ARL10: variants seen among roughly 807,000 people sequenced by gnomAD.
ARL10 encodes the protein ADP-ribosylation factor-like protein 10.
ARL10 carries 23 observed loss-of-function variants against 26.1 expected under a neutral mutation model. That is an observed-to-expected ratio of 0.88 (90% CI 0.63 to 1.25). The LOEUF (loss-of-function observed/expected upper bound fraction) is 1.25. Among genes scored for constraint, ARL10 ranks in the 50% most tolerant of loss-of-function variants. ARL10 has a pLI of 0.00. For synonymous variants in ARL10, 138 were observed against 149.1 expected, an observed-to-expected ratio of 0.93 and a Z score of 0.54; for missense variants, 300 against 323.6, an observed-to-expected ratio of 0.93 and a Z score of 0.56.
At chr5:176,392,756 C>T (rs1215111316), downstream of ARL10, 2 of 1,613,152 alleles carry the variant, frequency 1.2e-6, no homozygotes. This position sits in a 1 kb window ranked among gnomAD's most constrained non-coding sequence, Gnocchi z 5.2. Flanking sequence ...GCTCTGTGGC[C>T]ATGCACCTAG....
downstream of ARL10, among the ~76,000 whole-genome samples, chr5:176,391,565 T>G (rs1166161947): frequency 1.3e-5 from 2 of 152,080 alleles, no homozygotes; most frequent in East Asian, 1.9e-4. Context: ...TGAGCTGAGA[T>G]TGCACCACTG....
Position 176,397,702 on chromosome 5 carries a change from G to A in ARL10, c.134-4039G>A, listed in dbSNP as rs924761628. The A allele has an allele frequency of 2.5e-6, 4 of 1,613,812 alleles. No homozygotes were observed. The African/African-American group carries it at 4.0e-5, about 16-fold the overall frequency. ...CCTTCTCCCGCCATTCCTGTTCCGTGACCTTAGATGCAGCATCTAGGACCC... is the reference window on the plus strand; with the variant it reads ...CCTTCTCCCGCCATTCCTGTTCCGTAACCTTAGATGCAGCATCTAGGACCC... On this transcript the variant is annotated intron_variant, in intron 1 of 1. Coordinates refer to the ARL10 transcript ENST00000514533.
chr5:176,413,053 C>T, the ARL10 span, among the ~76,000 whole-genome samples: 1 of 152,186 alleles, frequency 6.6e-6, no homozygotes, highest in Non-Finnish European at 1.5e-5. Flanking sequence ...GCCTCAGCCT[C>T]GAGAGTGTTC....
chr5:176,397,558 GC>G (rs775818584), intron 1 of ARL10: 3 of 273,112 alleles, frequency 1.1e-5, no homozygotes, highest in Non-Finnish European at 1.8e-5. Flanking sequence ...TGTCCCCACA[GC>G]CCCCCTCATG....
rs1755517717 is a variant in ARL10, at chr5:176,380,220, C to T, written c.*8325C>T. 1 of 152,158 alleles carries T rather than the reference C, an allele frequency of 6.6e-6. No individual in the cohort carries two copies. Among genetic ancestry groups the T allele is most frequent in the Non-Finnish European group, 1.5e-5 (1 of 68,026 alleles). 9.4% of individuals were successfully genotyped at this position (152,158 alleles called of 1,614,324 possible). ...AATCCAGGTTCATGTGCTGCATGAG[C>T]CTTTCATTTGCGTTTTGTAAAGAAT... On this transcript the variant is annotated 3_prime_UTR_variant, in exon 4 of 4. Transcript: ENST00000310389.
rs187668929 is a variant in ARL10, at chr5:176,395,480, C to G, written c.134-6261C>G. Among the ~76,000 whole-genome samples the G allele has an allele frequency of 2.0e-3, 303 of 152,266 alleles. 1 individual carries two copies. The highest frequency in any genetic ancestry group is 0.01 in the Middle Eastern group (3 of 294). ...ACGAAGGCTCTGGTGTGCTCTGTGC[C>G]CTGTGAGAGGAGGCTTAGCCTCGAC... On this transcript the variant is annotated intron_variant, in intron 1 of 1. Transcript: ENST00000514533.
intron 1 of ARL10, chr5:176,388,189 G>A (rs746987248): frequency 1.2e-5 from 17 of 1,400,412 alleles, no homozygotes; most frequent in Non-Finnish European, 1.5e-5. Flanking sequence ...AGTATGGCGG[G>A]GGAAGAGTAA....
chr5:176,405,126 C>T (rs952264981), downstream of ARL10, among the ~76,000 whole-genome samples: 1 of 152,126 alleles, frequency 6.6e-6, no homozygotes, highest in Non-Finnish European at 1.5e-5. Flanking sequence ...CTAATGCTTC[C>T]CCAAAGCCAA....
At chr5:176,388,218 C>A in intron 1 of ARL10, 1 of 1,566,820 alleles carries the variant, frequency 6.4e-7, no homozygotes, top group Non-Finnish European at 8.8e-7. Flanking sequence ...AGGACCGAGA[C>A]CCTGCCATGT....
chr5:176,394,791 G>T (rs1290640890), intron 1 of ARL10, among the ~76,000 whole-genome samples: 1 of 151,920 alleles, frequency 6.6e-6, no homozygotes, highest in Non-Finnish European at 1.5e-5. Context: ...CTCCAGCCTG[G>T]GTGACAGAGC....
At chr5:176,403,771 T>A (rs999683019), downstream of ARL10, among the ~76,000 whole-genome samples, 3 of 146,382 alleles carry the variant, frequency 2.0e-5, no homozygotes, top group Non-Finnish European at 3.0e-5. Flanking sequence ...GTGTGTGTGT[T>A]TGTTTTGAGA....
chr5:176,390,285 T>C (rs561121752), downstream of ARL10, among the ~76,000 whole-genome samples: 2 of 151,198 alleles, frequency 1.3e-5, no homozygotes, highest in East Asian at 3.9e-4. Context: ...TAGCCAGCAG[T>C]TTTTCAGACT....
Position 176,381,710 on chromosome 5 carries a change from A to T in ARL10, c.*9815A>T, listed in dbSNP as rs892187293. The T allele has an allele frequency of 1.3e-5, 2 of 152,226 alleles. No homozygotes were observed. Among genetic ancestry groups the T allele is most frequent in the African/African-American group, 4.8e-5 (2 of 41,462 alleles). The allele number at this position is 152,226 out of a possible 1,614,324, so 9.4% of individuals were successfully genotyped here. Reference sequence around the variant, plus strand: ...GGGTGTTTACACATTAAGTTAGGTTATAATTCACTATGTACAGAGGCAGCT... The same window carrying T: ...GGGTGTTTACACATTAAGTTAGGTTTTAATTCACTATGTACAGAGGCAGCT... On this transcript the variant is annotated 3_prime_UTR_variant, in exon 4 of 4. Transcript: ENST00000310389.
At chr5:176,385,618 T>C (rs537068542), downstream of ARL10, among the ~76,000 whole-genome samples, 1 of 152,364 alleles carries the variant, frequency 6.6e-6, no homozygotes, top group South Asian at 2.1e-4. Context: ...ACCAGACTAA[T>C]AACCTCTACT....
At chr5:176,387,344 C>A (rs750766022) in intron 1 of ARL10, among the ~76,000 whole-genome samples, 7 of 152,252 alleles carry the variant, frequency 4.6e-5, no homozygotes, top group Admixed American at 2.0e-4. Flanking sequence ...TTACCCCCAA[C>A]ACAATCTTGG....
At position 176,380,856 on chromosome 5, in the gene ARL10, C is replaced by T. The variant is rs1288305695; in HGVS notation, c.*8961C>T. The T allele has an allele frequency of 6.6e-6, 1 of 152,126 alleles. No individual in the cohort carries two copies. Among genetic ancestry groups the T allele is most frequent in the Admixed American group, 6.6e-5 (1 of 15,234 alleles). 9.4% of individuals were successfully genotyped at this position (152,126 alleles called of 1,614,324 possible). ...TCTCGGCTTACTGCAACCTCTGCCT[C>T]CAGGGCACAAGAGATTTTGCCACCT... On this transcript the variant is annotated 3_prime_UTR_variant, in exon 4 of 4. Transcript: ENST00000310389.
chr5:176,369,240 GTT>G lies in ARL10; in HGVS notation c.561+267_561+268del. On this transcript the variant is annotated intron_variant, in intron 3 of 3. Transcript: ENST00000310389. ...ATGCCAGGCATGGTGTTTTGTTTTT[GTT>G]TTTTTTTTGAGACAGAGTCTTGTTC... is the stretch of plus-strand genomic sequence containing the variant. 4 of 1,268,534 alleles carry G rather than the reference GTT, an allele frequency of 3.2e-6. No homozygotes were observed. The African/African-American group carries it at 6.1e-5, about 19-fold the overall frequency. The allele number at this position is 1,268,534 out of a possible 1,614,324, so 78.6% of individuals were successfully genotyped here. A position where few individuals can be genotyped will look rare whatever the true frequency, so the allele number is the denominator to read the frequency against.
chr5:176,385,218 C>T (rs1755737621), downstream of ARL10: 41 of 1,578,436 alleles, frequency 2.6e-5, 1 homozygote, highest in East Asian at 9.2e-4. Context: ...CTGAGCCGCT[C>T]ACCTTATAGT....
chr5:176,406,982 A>C, the ARL10 span, among the ~76,000 whole-genome samples: 1 of 152,180 alleles, frequency 6.6e-6, no homozygotes, highest in Non-Finnish European at 1.5e-5. Context: ...GATTCAGCTC[A>C]TCTGTGACCC....
Sources: allele counts gnomAD v4.1 joint callset (sites outside exome capture counted in the v4.1 genomes callset), GRCh38; gene constraint gnomAD v4.1.1; non-coding constraint Gnocchi (gnomAD v3.1); transcripts MANE v1.5; gene names NCBI Gene and HGNC (gene_info 2026-07-23, HGNC 2026-07-21).